Variants in PLPPR1 observed in about 807,000 individuals in gnomAD.
PLPPR1 encodes the protein phospholipid phosphatase-related protein type 1.
In PLPPR1, 10 loss-of-function variants were observed where a neutral mutation model predicts 33.1. The ratio of observed to expected loss-of-function variants is 0.30; its 90% confidence interval spans 0.19 to 0.51. PLPPR1 has a LOEUF of 0.51. Ranked by LOEUF, PLPPR1 falls within the 20% of genes least tolerant of loss-of-function variation. PLPPR1 has a pLI of 0.97. For missense variants in PLPPR1, 304 were observed against 408.1 expected (o/e 0.74, Z 2.20); for synonymous variants, 151 against 151.0 (o/e 1.00, Z 0.00).
At chr9:101,311,319 T>C (rs1329314501) in intron 5 of PLPPR1, among the ~76,000 whole-genome samples, 1 of 152,188 alleles carries the variant, frequency 6.6e-6, no homozygotes, top group East Asian at 1.9e-4. Flanking sequence ...TCACAGACTA[T>C]AGTCAGATAA....
intron 4 of PLPPR1, among the ~76,000 whole-genome samples, chr9:101,305,018 A>G (rs1433581483): frequency 6.6e-6 from 1 of 152,176 alleles, no homozygotes; most frequent in African/African-American, 2.4e-5. Context: ...GAGAGTCTTC[A>G]GCCAATTCAG....
intron 2 of PLPPR1, among the ~76,000 whole-genome samples, chr9:101,232,577 A>C (rs1334727712): frequency 6.6e-6 from 1 of 151,876 alleles, no homozygotes; most frequent in East Asian, 1.9e-4. Flanking sequence ...TGAGTAGCAG[A>C]GCCTGGACCT....
chr9:101,229,412 A>AT (rs1827138053), intron 2 of PLPPR1, among the ~76,000 whole-genome samples: 3 of 151,990 alleles, frequency 2.0e-5, no homozygotes, highest in Admixed American at 1.3e-4. Context: ...TTCACACTTT[A>AT]TTTTTTTCCA....
chr9:101,242,262 T>A (rs1010929000), intron 2 of PLPPR1, among the ~76,000 whole-genome samples: 1 of 151,194 alleles, frequency 6.6e-6, no homozygotes, highest in African/African-American at 2.4e-5. Flanking sequence ...TTTTCTCTGA[T>A]ATAGTCTCGG....
chr9:101,246,103 T>TAG (rs1248690310), intron 2 of PLPPR1, among the ~76,000 whole-genome samples: 40 of 109,874 alleles, frequency 3.6e-4, no homozygotes, highest in East Asian at 5.8e-4. Flanking sequence ...TATATATATA[T>TAG]ATATATAGAT....
chr9:101,098,558 AT>A (rs1387145096), intron 1 of PLPPR1, among the ~76,000 whole-genome samples: 1 of 152,124 alleles, frequency 6.6e-6, no homozygotes, highest in Non-Finnish European at 1.5e-5. Flanking sequence ...GAGGCTAAAG[AT>A]GTGGAGCCCC....
chr9:101,112,918 T>C (rs948568862), intron 1 of PLPPR1, among the ~76,000 whole-genome samples: 1 of 152,236 alleles, frequency 6.6e-6, no homozygotes, highest in Non-Finnish European at 1.5e-5. Context: ...ACCATTCAGA[T>C]GTCTGCCTCA....
At chr9:101,247,225 C>CAAA (rs2118859568) in intron 2 of PLPPR1, among the ~76,000 whole-genome samples, 1 of 152,080 alleles carries the variant, frequency 6.6e-6, no homozygotes, top group South Asian at 2.1e-4. Context: ...GGACGCCCAA[C>CAAA]AATGTGTCAT....
intron 2 of PLPPR1, among the ~76,000 whole-genome samples, chr9:101,196,725 C>T (rs538589291): frequency 2.0e-5 from 3 of 152,024 alleles, no homozygotes; most frequent in African/African-American, 4.8e-5. Flanking sequence ...ATTAGCTGGG[C>T]GTGGTGGCGG....
At chr9:101,320,559 G>T (rs1403542765) in intron 7 of PLPPR1, among the ~76,000 whole-genome samples, 1 of 152,164 alleles carries the variant, frequency 6.6e-6, no homozygotes, top group African/African-American at 2.4e-5. Flanking sequence ...AAGGACTTCT[G>T]CAGGCTAGCC....
At chr9:101,217,594 CTG>C (rs1826828324) in intron 2 of PLPPR1, among the ~76,000 whole-genome samples, 1 of 152,080 alleles carries the variant, frequency 6.6e-6, no homozygotes, top group African/African-American at 2.4e-5. Context: ...CTATTCAACT[CTG>C]TGGTTGTAGT....
chr9:101,123,192 C>G (rs1057461723), intron 1 of PLPPR1, among the ~76,000 whole-genome samples: 1 of 151,214 alleles, frequency 6.6e-6, no homozygotes, highest in African/African-American at 2.4e-5. Context: ...AAAGTCCTCC[C>G]AAATTAGGAA....
chr9:101,040,574 T>C (rs1032103124), intron 1 of PLPPR1, among the ~76,000 whole-genome samples: 2 of 152,190 alleles, frequency 1.3e-5, no homozygotes, highest in Non-Finnish European at 2.9e-5. Context: ...TGCTGTTAGC[T>C]CAGTCTGGAA....
chr9:101,039,613 G>C (rs1335963174), intron 1 of PLPPR1, among the ~76,000 whole-genome samples: 1 of 152,110 alleles, frequency 6.6e-6, no homozygotes, highest in South Asian at 2.1e-4. Flanking sequence ...AAAGGAAAGA[G>C]GTTTAATGGA....
intron 1 of PLPPR1, among the ~76,000 whole-genome samples, chr9:101,100,697 CGT>C (rs56760066): frequency 0.13 from 19,019 of 146,648 alleles, 1,494 homozygotes; most frequent in South Asian, 0.26. Flanking sequence ...CTCTTTGTTC[CGT>C]GTGTGTGTGT....
Position 101,237,735 on chromosome 9 carries a change from C to CTATA in PLPPR1, c.64-32134_64-32131dup, listed in dbSNP as rs200269534. Among the ~76,000 whole-genome samples, 20 of 109,294 alleles carry CTATA rather than the reference C, an allele frequency of 1.8e-4. No individual in the cohort carries two copies. The South Asian group carries it at 2.9e-3, about 16-fold the overall frequency. The allele number at this position is 109,294 out of a possible 152,430, so 71.7% of individuals were successfully genotyped here. A position where few individuals can be genotyped will look rare whatever the true frequency, so the allele number is the denominator to read the frequency against. ...ATCTATATATGTGTGTGTATATAGC[C>CTATA]TATATATATATATACATATAGGCTA... On this transcript the variant is annotated intron_variant, in intron 2 of 7. Coordinates refer to ENST00000374874, the MANE Select transcript of PLPPR1 (RefSeq NM_207299.2).
chr9:101,290,687 A>C (rs1828480657), intron 4 of PLPPR1, among the ~76,000 whole-genome samples: 1 of 152,228 alleles, frequency 6.6e-6, no homozygotes, highest in South Asian at 2.1e-4. Flanking sequence ...TTTTTAAAAA[A>C]ATGAGGCCAT....
intron 1 of PLPPR1, among the ~76,000 whole-genome samples, chr9:101,164,778 G>A (rs945888991): frequency 6.6e-6 from 1 of 152,144 alleles, no homozygotes; most frequent in Non-Finnish European, 1.5e-5. Flanking sequence ...AACTAAAAGT[G>A]TTTGTTTTTC....
At chr9:101,126,554 G>C (rs1405189150) in intron 1 of PLPPR1, among the ~76,000 whole-genome samples, 1 of 152,172 alleles carries the variant, frequency 6.6e-6, no homozygotes, top group Non-Finnish European at 1.5e-5. Flanking sequence ...GGTGCCCTCT[G>C]AATAAACAAA....
Sources: gnomAD v4.1 joint callset for allele counts (sites outside exome capture counted in the v4.1 genomes callset) on GRCh38, gnomAD v4.1.1 for gene constraint, MANE v1.5 for transcripts, NCBI Gene and HGNC (gene_info 2026-07-23, HGNC 2026-07-21) for gene names.